The following RTTN variants were observed in gnomAD, a reference collection of about 807,000 sequenced individuals.
RTTN encodes the protein rotatin.
RTTN carries 182 observed loss-of-function variants against 269.2 expected under a neutral mutation model. The ratio of observed to expected loss-of-function variants is 0.68; its 90% CI spans 0.60 to 0.76. The LOEUF is 0.76. RTTN is among the 30% of genes least tolerant of loss of function. The probability of loss-of-function intolerance (pLI) is 0.00; values close to 1 mark genes in which losing one functional copy is unlikely to be tolerated. For missense variants in RTTN, 2,545 were observed against 2,608.6 expected (o/e 0.98, Z 0.53); for synonymous variants, 1,006 against 963.5 (o/e 1.04, Z -0.82).
intron 40 of RTTN, among the ~76,000 whole-genome samples, chr18:70,044,795 A>G (rs937114428): frequency 1.3e-5 from 2 of 152,212 alleles, no homozygotes; most frequent in Non-Finnish European, 2.9e-5. Context: ...TAAGCTAGAC[A>G]TAGCATGATT....
chr18:70,032,263 G>A (rs1207602754), intron 40 of RTTN, among the ~76,000 whole-genome samples: 1 of 152,158 alleles, frequency 6.6e-6, no homozygotes, highest in Non-Finnish European at 1.5e-5. Context: ...CAGAGCCCGA[G>A]CCTAGCCACA....
At chr18:70,013,579 A>T (rs935892012) in intron 46 of RTTN, among the ~76,000 whole-genome samples, 4 of 152,232 alleles carry the variant, frequency 2.6e-5, no homozygotes, top group African/African-American at 9.7e-5. Context: ...TAAACATTTA[A>T]ATAACCTAAA....
chr18:70,191,803 C>T (rs1211188760), intron 8 of RTTN, among the ~76,000 whole-genome samples: 1 of 152,184 alleles, frequency 6.6e-6, no homozygotes, highest in Non-Finnish European at 1.5e-5. Context: ...AGATACCAAG[C>T]ACCCCAAAAT....
intron 27 of RTTN, among the ~76,000 whole-genome samples, chr18:70,110,210 G>A (rs1231166830): frequency 6.7e-6 from 1 of 149,768 alleles, no homozygotes; most frequent in African/African-American, 2.5e-5. Flanking sequence ...CAGCCGGGGT[G>A]ACATAGTGAG....
chr18:70,203,597 T>G (rs1426179290), intron 3 of RTTN, among the ~76,000 whole-genome samples: 1 of 152,212 alleles, frequency 6.6e-6, no homozygotes, highest in Non-Finnish European at 1.5e-5. Context: ...AACTGAGACT[T>G]AAATCCATGT....
At chr18:70,039,052 A>G (rs2057260848) in intron 40 of RTTN, among the ~76,000 whole-genome samples, 1 of 152,186 alleles carries the variant, frequency 6.6e-6, no homozygotes, top group African/African-American at 2.4e-5. Context: ...ATAAAAGAAA[A>G]ATGAGAATAA....
chr18:70,022,974 T>C (rs1211962092), intron 44 of RTTN, among the ~76,000 whole-genome samples: 2 of 152,176 alleles, frequency 1.3e-5, no homozygotes, highest in South Asian at 4.1e-4. Context: ...ATGACTCCTG[T>C]GGTAGCCAGC....
At chr18:70,129,275 T>A (rs1430380127) in intron 23 of RTTN, 1 of 151,786 alleles carries the variant, frequency 6.6e-6, no homozygotes, top group Non-Finnish European at 1.5e-5. Flanking sequence ...AAAGAAATTT[T>A]AAAACTCCTA....
chr18:70,123,881 T>C (rs975309932), intron 25 of RTTN, among the ~76,000 whole-genome samples: 2 of 152,072 alleles, frequency 1.3e-5, no homozygotes, highest in Non-Finnish European at 2.9e-5. Flanking sequence ...CAATAAATGT[T>C]TGTTGAATGA....
intron 34 of RTTN, among the ~76,000 whole-genome samples, chr18:70,067,453 CCAG>C (rs1454481531): frequency 1.3e-5 from 2 of 152,174 alleles, no homozygotes; most frequent in Admixed American, 6.5e-5. Context: ...GCCACCGCGC[CCAG>C]CAAGCTTGTT....
intron 21 of RTTN, chr18:70,138,869 A>C (rs1335623552): frequency 6.6e-6 from 1 of 152,208 alleles, no homozygotes; most frequent in Admixed American, 6.5e-5. Context: ...GATGAAGCAC[A>C]TTCAGATGCT....
At chr18:70,188,425 C>T (rs1266965935) in intron 9 of RTTN, among the ~76,000 whole-genome samples, 2 of 152,108 alleles carry the variant, frequency 1.3e-5, no homozygotes, top group African/African-American at 4.8e-5. Context: ...TACTTTACTA[C>T]ATAACAAATC....
At chr18:70,130,504 T>C (rs147886988) in intron 23 of RTTN, 1 of 151,750 alleles carries the variant, frequency 6.6e-6, no homozygotes, top group Admixed American at 6.6e-5. Context: ...TGGAAGTCAT[T>C]ACGTTAACTG....
At chr18:70,171,321 C>T (rs1296799782) in intron 11 of RTTN, among the ~76,000 whole-genome samples, 1 of 152,222 alleles carries the variant, frequency 6.6e-6, no homozygotes, top group East Asian at 1.9e-4. Flanking sequence ...ACTCTAAAGG[C>T]ACTGTGTTCT....
At chr18:70,113,236 T>A (rs1486215229) in intron 27 of RTTN, among the ~76,000 whole-genome samples, 1 of 151,412 alleles carries the variant, frequency 6.6e-6, no homozygotes, top group Non-Finnish European at 1.5e-5. Context: ...TACTAAATCC[T>A]CAAAGATGTT....
In RTTN at chr18:70,059,964, A is replaced by C. The variant is rs774325899; in HGVS notation, c.4826T>G (p.Val1609Gly). The C allele has an allele frequency of 1.2e-6, 2 of 1,614,140 alleles. No individual in the cohort carries two copies. The highest frequency in any genetic ancestry group is 1.1e-5 in the South Asian group (1 of 91,062). ...CATTGCTGAAAGAAGAGATGGAGTA[A>C]CAAAAACACACAGTTTGGGCAGGGG... The part of the protein sequence containing the change: ...SAPLPKLCVF[V>G]TPSLLSAMCS... The change falls in exon 36 of 49, where the codon GTT (valine) becomes GGT (glycine). Residue 1609 changes from valine to glycine, a missense_variant. Transcript: ENST00000640769.
intron 40 of RTTN, among the ~76,000 whole-genome samples, chr18:70,043,036 A>G (rs2057391097): frequency 6.6e-6 from 1 of 152,228 alleles, no homozygotes; most frequent in Non-Finnish European, 1.5e-5. Context: ...CACCTAGCAC[A>G]GAGGTAAAGG....
intron 14 of RTTN, among the ~76,000 whole-genome samples, chr18:70,164,299 C>CCTCCCTTGAT (rs1222537453): frequency 6.8e-6 from 1 of 147,068 alleles, no homozygotes; most frequent in East Asian, 2.0e-4. Context: ...TGTACCTTGA[C>CCTCCCTTGAT]CTCCCAGTCT....
chr18:70,099,601 T>A (rs1438897077), intron 28 of RTTN, among the ~76,000 whole-genome samples: 2 of 152,160 alleles, frequency 1.3e-5, no homozygotes, highest in African/African-American at 2.4e-5. Flanking sequence ...CCCATTTGTC[T>A]ATTTTGGCTT....
Sources: allele counts gnomAD v4.1 joint callset (sites outside exome capture counted in the v4.1 genomes callset), GRCh38; gene constraint gnomAD v4.1.1; transcripts MANE v1.5; gene names NCBI Gene and HGNC (gene_info 2026-07-23, HGNC 2026-07-21).